Variants in FAT3 observed in about 807,000 individuals in gnomAD.
FAT3 encodes the protein FAT atypical cadherin 3.
In FAT3, 95 loss-of-function variants were observed where a neutral mutation model predicts 310.2. The observed-to-expected ratio is 0.31, with a 90% confidence interval of 0.26 to 0.36. The LOEUF (loss-of-function observed/expected upper bound fraction) is 0.36. FAT3 is among the 10% of genes least tolerant of loss of function. The pLI is 1.00. For synonymous variants in FAT3, 2,314 were observed against 2,192.9 expected (o/e 1.06, Z -1.54); for missense variants, 5,408 against 5,715.6 (o/e 0.95, Z 1.74).
chr11:92,321,450 A>T lies in FAT3; in HGVS notation c.-17-30646A>T, dbSNP rs528222707. ...AGACTCCGTCTCAAAAAAAAAAAAA[A>T]ATTCTTGGTTGTTTTTAGGTCTGTA... On this transcript the variant is annotated intron_variant, in intron 1 of 27. Coordinates refer to ENST00000525166, the MANE Select transcript of FAT3 (RefSeq NM_001367949.2). Among the ~76,000 whole-genome samples, 33 of 151,976 alleles carry T rather than the reference A, an allele frequency of 2.2e-4. 1 individual carries two copies. Among genetic ancestry groups the T allele is most frequent in the East Asian group, 1.7e-3 (9 of 5,156 alleles).
At chr11:92,523,007 CT>C (rs1025602281) in intron 2 of FAT3, among the ~76,000 whole-genome samples, 1 of 152,168 alleles carries the variant, frequency 6.6e-6, no homozygotes, top group Non-Finnish European at 1.5e-5. Flanking sequence ...GACAACATCT[CT>C]TCCCAGTTTG....
At chr11:92,717,206 A>G (rs1424665870) in intron 4 of FAT3, among the ~76,000 whole-genome samples, 1 of 152,194 alleles carries the variant, frequency 6.6e-6, no homozygotes, top group Non-Finnish European at 1.5e-5. Context: ...CTTTGTCCCC[A>G]GTACCTAGCA....
rs1223452537 is a variant in FAT3, at chr11:92,883,787, T to C, written c.12937+394T>C. Among the ~76,000 whole-genome samples the C allele has an allele frequency of 1.3e-5, 2 of 152,208 alleles. No homozygotes were observed. The highest frequency in any genetic ancestry group is 6.5e-5 in the Admixed American group (1 of 15,288). ...AATAGTGTGTGTGTGTCTGGGCCTATGTACAAAGTGCAAAAAGCCACTTGA... is the reference window on the plus strand; with the variant it reads ...AATAGTGTGTGTGTGTCTGGGCCTACGTACAAAGTGCAAAAAGCCACTTGA... On this transcript the variant is annotated intron_variant, in intron 24 of 27. Transcript: ENST00000525166. The surrounding 1 kb of genome is among the most constrained non-coding windows in gnomAD (Gnocchi z 4.2).
chr11:92,440,066 G>A (rs550070671), intron 2 of FAT3, among the ~76,000 whole-genome samples: 1 of 152,292 alleles, frequency 6.6e-6, no homozygotes, highest in South Asian at 2.1e-4. Context: ...ATTGAGCACT[G>A]CAGGATGGGT....
chr11:92,768,075 G>A (rs1461446424), intron 6 of FAT3, among the ~76,000 whole-genome samples: 1 of 152,130 alleles, frequency 6.6e-6, no homozygotes, highest in African/African-American at 2.4e-5. Flanking sequence ...TATAGACCCA[G>A]GATCCATCAT....
chr11:92,358,437 G>C (rs1948792322), intron 2 of FAT3, among the ~76,000 whole-genome samples: 1 of 151,922 alleles, frequency 6.6e-6, no homozygotes, highest in Non-Finnish European at 1.5e-5. Flanking sequence ...TTTTTTCATA[G>C]TTTTAAAATT....
chr11:92,759,617 G>A (rs776057367), intron 4 of FAT3, among the ~76,000 whole-genome samples: 7 of 152,106 alleles, frequency 4.6e-5, no homozygotes, highest in Non-Finnish European at 1.0e-4. Flanking sequence ...GGAGCTGGGT[G>A]CTTGCAGTAA....
intron 1 of FAT3, among the ~76,000 whole-genome samples, chr11:92,340,744 A>AGG (rs1236436653): frequency 6.6e-6 from 1 of 152,174 alleles, no homozygotes; most frequent in Non-Finnish European, 1.5e-5. Context: ...TGGTGATTGA[A>AGG]GGGGTGACCT....
chr11:92,389,640 G>A (rs1473532945), intron 2 of FAT3, among the ~76,000 whole-genome samples: 1 of 152,176 alleles, frequency 6.6e-6, no homozygotes, highest in Admixed American at 6.5e-5. Flanking sequence ...TTGTATGGAT[G>A]TGGCTTATTT....
chr11:92,507,920 A>G (rs1953170849), intron 2 of FAT3, among the ~76,000 whole-genome samples: 1 of 152,014 alleles, frequency 6.6e-6, no homozygotes, highest in African/African-American at 2.4e-5. Flanking sequence ...AAAGTATGAC[A>G]TTGGCTATGT....
chr11:92,377,936 T>C (rs1218588032), intron 2 of FAT3, among the ~76,000 whole-genome samples: 1 of 152,198 alleles, frequency 6.6e-6, no homozygotes. Context: ...CCAGTATCTT[T>C]GTTCTTTTGT....
At chr11:92,497,071 C>G (rs2135258330) in intron 2 of FAT3, among the ~76,000 whole-genome samples, 1 of 152,134 alleles carries the variant, frequency 6.6e-6, no homozygotes, top group East Asian at 1.9e-4. Context: ...GATTCAGTAG[C>G]ATTTGTCTGG....
intron 1 of FAT3, among the ~76,000 whole-genome samples, chr11:92,341,838 G>C (rs1948270719): frequency 6.6e-6 from 1 of 152,020 alleles, no homozygotes; most frequent in African/African-American, 2.4e-5. Context: ...TTTATTTCTT[G>C]CATAATTATT....
At chr11:92,852,457 G>C (rs1316056957) in intron 19 of FAT3, among the ~76,000 whole-genome samples, 1 of 152,126 alleles carries the variant, frequency 6.6e-6, no homozygotes, top group African/African-American at 2.4e-5. Flanking sequence ...GACAACAGCA[G>C]CCAGAGCCCA....
chr11:92,806,073 G>A (rs781588510), intron 11 of FAT3, among the ~76,000 whole-genome samples: 3 of 152,220 alleles, frequency 2.0e-5, no homozygotes, highest in Admixed American at 1.3e-4. Context: ...GGTTCCACAA[G>A]AGTGGGGATG....
In FAT3 at chr11:92,352,385, T is replaced by C. The variant is rs779334064; in HGVS notation, c.273T>C (p.Phe91=). 5.6e-6 allele frequency: 9 copies of C among 1,609,810 alleles called. No individual in the cohort carries two copies. The highest frequency in any genetic ancestry group is 3.3e-5 in the Admixed American group (2 of 59,836). The part of the protein sequence containing the change: ...YRIVSGDEEG[F]FKAEEVIIAD... ...TAGTGTCCGGAGACGAGGAAGGCTT[T>C]TTCAAAGCAGAGGAAGTCATCATTG... The change falls in exon 2 of 28, where the codon TTT becomes TTC. Residue 91 remains phenylalanine, a synonymous_variant. Transcript: ENST00000525166.
chr11:92,807,331 G>A (rs116897375), intron 12 of FAT3, among the ~76,000 whole-genome samples: 197 of 152,188 alleles, frequency 1.3e-3, no homozygotes, highest in African/African-American at 3.9e-3. Context: ...ATACTTTGGG[G>A]TATCATTCTC....
intron 2 of FAT3, among the ~76,000 whole-genome samples, chr11:92,416,296 A>G (rs2134955149): frequency 6.6e-6 from 1 of 151,290 alleles, no homozygotes; most frequent in South Asian, 2.1e-4. Flanking sequence ...AGGCAGGAGA[A>G]TCACCTGAAT....
At position 92,801,237 on chromosome 11, in the gene FAT3, A is replaced by G; in HGVS notation, c.8224A>G (p.Thr2742Ala). The G allele has an allele frequency of 6.2e-7, 1 of 1,613,928 alleles. No individual in the cohort carries two copies. The highest frequency in any genetic ancestry group is 8.5e-7 in the Non-Finnish European group (1 of 1,179,862). Residue 2742 changes from threonine to alanine, a missense_variant, in exon 10 of 28, where the codon ACA becomes GCA. By Grantham distance (58) the Thr-to-Ala change is moderately conservative. This residue lies in a region of FAT3 where 4,588 missense variants were observed against 4,809.8 expected (regional missense o/e 0.95). Coordinates refer to ENST00000525166, the MANE Select transcript of FAT3 (RefSeq NM_001367949.2). ...ILPSQNVWFS[T>A]VNGERPENNK... Reference sequence around the variant, plus strand: ...GCCCAGTCAGAATGTCTGGTTCAGCACAGTTAATGGGGAACGGCCAGAAAA... The same window carrying G: ...GCCCAGTCAGAATGTCTGGTTCAGCGCAGTTAATGGGGAACGGCCAGAAAA...
Sources: allele counts gnomAD v4.1 joint callset (sites outside exome capture counted in the v4.1 genomes callset), GRCh38; gene constraint gnomAD v4.1.1; regional missense constraint gnomAD v4.1.1; non-coding constraint Gnocchi (gnomAD v3.1); transcripts MANE v1.5; gene names NCBI Gene and HGNC (gene_info 2026-07-23, HGNC 2026-07-21).